TNS1: variants seen among roughly 807,000 people sequenced by gnomAD.
The protein encoded by TNS1 is tensin 1.
TNS1 carries 62 observed loss-of-function variants against 168.6 expected under a neutral mutation model. The ratio of observed to expected loss-of-function variants is 0.37; its 90% CI spans 0.30 to 0.45. The LOEUF (loss-of-function observed/expected upper bound fraction) is 0.45, where lower values mean the gene tolerates loss of function less well. Ranked by LOEUF, TNS1 falls within the 20% of genes least tolerant of loss-of-function variation. The pLI is 1.00. For missense variants in TNS1, 2,240 were observed against 2,339.4 expected (o/e 0.96, Z 0.88); for synonymous variants, 934 against 933.2 (o/e 1.00, Z -0.02).
chr2:217,813,390 G>T lies in TNS1; in HGVS notation c.4862-83C>A. 1 of 1,210,678 alleles carries T rather than the reference G, an allele frequency of 8.3e-7. No homozygotes were observed. The highest frequency in any genetic ancestry group is 1.2e-6 in the Non-Finnish European group (1 of 837,804). 75.0% of individuals were successfully genotyped at this position (1,210,678 alleles called of 1,614,324 possible). A position where few individuals can be genotyped will look rare whatever the true frequency, so the allele number is the denominator to read the frequency against. ...CTCCCAAGACTGCTTCAAAACTTCC[G>T]CAGTGTGCGGGGCCAAGATGGGAGA... On this transcript the variant is annotated intron_variant, in intron 26 of 32. Transcript: ENST00000682258. This position sits in a 1 kb window ranked among gnomAD's most constrained non-coding sequence, Gnocchi z 4.0.
At chr2:217,857,112 T>C (rs1185994241) in intron 18 of TNS1, among the ~76,000 whole-genome samples, 1 of 152,126 alleles carries the variant, frequency 6.6e-6, no homozygotes, top group Non-Finnish European at 1.5e-5. Context: ...AGCTTCAGAA[T>C]GAAATAAAAA....
intron 23 of TNS1, among the ~76,000 whole-genome samples, chr2:217,820,280 T>C (rs1476562564): frequency 6.6e-6 from 1 of 152,182 alleles, no homozygotes; most frequent in African/African-American, 2.4e-5. Context: ...ATGCCAGGGC[T>C]CACTGAACAT....
At chr2:217,932,819 A>T (rs534075776) in intron 3 of TNS1, among the ~76,000 whole-genome samples, 1 of 152,332 alleles carries the variant, frequency 6.6e-6, no homozygotes, top group South Asian at 2.1e-4. Context: ...AGCTTCAGTT[A>T]TCTGAAAATT....
At chr2:217,888,666 G>A (rs563700108) in intron 12 of TNS1, among the ~76,000 whole-genome samples, 1 of 152,134 alleles carries the variant, frequency 6.6e-6, no homozygotes, top group Non-Finnish European at 1.5e-5. Flanking sequence ...CGATGGTTTT[G>A]TAAGGGGAAA....
chr2:217,944,787 A>AT (rs1170204971), intron 3 of TNS1, among the ~76,000 whole-genome samples: 1 of 152,244 alleles, frequency 6.6e-6, no homozygotes, highest in African/African-American at 2.4e-5. Context: ...CAAAGTGTTC[A>AT]TTGTAGGAGT....
chr2:217,847,471 A>G (rs757155976), intron 19 of TNS1, 39 bp downstream of exon 19: 1 of 1,376,628 alleles, frequency 7.3e-7, no homozygotes, highest in East Asian at 2.5e-5. Flanking sequence ...AGACCAAATA[A>G]GGAAGGGGTA....
chr2:217,897,281 C>T (rs1052761327), intron 8 of TNS1, among the ~76,000 whole-genome samples: 1 of 152,192 alleles, frequency 6.6e-6, no homozygotes, highest in Non-Finnish European at 1.5e-5. Flanking sequence ...CCAGGCCGAG[C>T]CAGGTGCCAG....
At chr2:217,988,577 G>A (rs1375944749) in intron 2 of TNS1, among the ~76,000 whole-genome samples, 1 of 152,234 alleles carries the variant, frequency 6.6e-6, no homozygotes, top group South Asian at 2.1e-4. Context: ...TCGCAGGGCA[G>A]GGTGTGGGGC....
intron 2 of TNS1, among the ~76,000 whole-genome samples, chr2:217,988,454 G>GC (rs1337949809): frequency 3.9e-5 from 6 of 152,132 alleles, no homozygotes; most frequent in Admixed American, 3.9e-4. Flanking sequence ...ACTTCCTTCT[G>GC]CCCCCACCCC....
intron 3 of TNS1, among the ~76,000 whole-genome samples, chr2:217,938,051 T>G (rs1053145752): frequency 1.3e-5 from 2 of 151,956 alleles, no homozygotes; most frequent in Admixed American, 6.6e-5. Flanking sequence ...GGCCTAGAAA[T>G]TGGGCAGAGG....
chr2:217,919,986 G>A (rs530605706), intron 4 of TNS1, among the ~76,000 whole-genome samples: 17 of 152,318 alleles, frequency 1.1e-4, no homozygotes, highest in African/African-American at 3.8e-4. Flanking sequence ...CTCAAGGTTG[G>A]AAATAGCAGG....
intron 1 of TNS1, among the ~76,000 whole-genome samples, chr2:217,997,767 C>A (rs1003089299): frequency 6.6e-6 from 1 of 152,176 alleles, no homozygotes; most frequent in African/African-American, 2.4e-5. Flanking sequence ...GCCGTAAAGT[C>A]GGTGGAATGG....
intron 4 of TNS1, among the ~76,000 whole-genome samples, chr2:217,909,268 C>T (rs982245409): frequency 1.3e-5 from 2 of 152,154 alleles, no homozygotes; most frequent in Admixed American, 6.5e-5. Context: ...AGGAAGGGAA[C>T]TCCCAGAAGG....
At position 217,813,390 on chromosome 2, in the gene TNS1, G is replaced by A. The variant is rs779776229; in HGVS notation, c.4862-83C>T. The A allele has an allele frequency of 2.6e-5, 32 of 1,210,558 alleles. No individual in the cohort carries two copies. Among genetic ancestry groups the A allele is most frequent in the African/African-American group, 6.0e-5 (4 of 66,144 alleles). The allele number at this position is 1,210,558 out of a possible 1,614,324, so 75.0% of individuals were successfully genotyped here. On this transcript the variant is annotated intron_variant, in intron 26 of 32. Transcript: ENST00000682258. The surrounding 1 kb of genome is among the most constrained non-coding windows in gnomAD (Gnocchi z 4.0). ...CTCCCAAGACTGCTTCAAAACTTCC[G>A]CAGTGTGCGGGGCCAAGATGGGAGA...
At chr2:218,009,493 G>A (rs1383972841) in intron 1 of TNS1, among the ~76,000 whole-genome samples, 1 of 151,936 alleles carries the variant, frequency 6.6e-6, no homozygotes, top group Admixed American at 6.6e-5. Context: ...AGCACTGCAG[G>A]TTCCCCAGAC....
chr2:217,927,296 G>C (rs982948332), intron 3 of TNS1, among the ~76,000 whole-genome samples: 2 of 152,220 alleles, frequency 1.3e-5, no homozygotes, highest in African/African-American at 4.8e-5. Context: ...GACACAGGAT[G>C]GGTGAAGGAA....
At chr2:217,895,903 A>G (rs1952244254) in intron 8 of TNS1, among the ~76,000 whole-genome samples, 1 of 152,254 alleles carries the variant, frequency 6.6e-6, no homozygotes, top group African/African-American at 2.4e-5. Context: ...GAGGGGTGGC[A>G]GGGCACCAAG....
At chr2:218,018,288 C>T (rs1159315100) in intron 1 of TNS1, among the ~76,000 whole-genome samples, 2 of 152,182 alleles carry the variant, frequency 1.3e-5, no homozygotes, top group African/African-American at 4.8e-5. Flanking sequence ...CCTATTATTC[C>T]CATACTGTTC....
intron 20 of TNS1, 48 bp from the exon 21 acceptor site, chr2:217,835,214 A>G: frequency 6.4e-7 from 1 of 1,560,188 alleles, no homozygotes; most frequent in Non-Finnish European, 8.7e-7. Flanking sequence ...TGAGAAGGAG[A>G]GATTTCCCCT....
Sources: gnomAD v4.1 joint callset for allele counts (sites outside exome capture counted in the v4.1 genomes callset) on GRCh38, gnomAD v4.1.1 for gene constraint, Gnocchi (gnomAD v3.1) non-coding constraint, MANE v1.5 for transcripts, NCBI Gene and HGNC (gene_info 2026-07-23, HGNC 2026-07-21) for gene names.